The following ERC2 variants were observed in gnomAD, a reference collection of about 807,000 sequenced individuals.
The protein encoded by ERC2 is ELKS/RAB6-interacting/CAST family member 2, also known as ERC protein 2.
Under a neutral mutation model 114.8 loss-of-function variants are expected in ERC2, and 42 were observed. The observed-to-expected ratio is 0.37, with a 90% confidence interval of 0.29 to 0.47. The LOEUF is 0.47. Among genes scored for constraint, ERC2 ranks in the 20% least tolerant of loss-of-function variants. The probability of loss-of-function intolerance (pLI) is 0.99; values close to 1 mark genes in which losing one functional copy is unlikely to be tolerated. For synonymous variants in ERC2, 454 were observed against 425.5 expected (o/e 1.07, Z -0.82); for missense variants, 939 against 1,150.7 (o/e 0.82, Z 2.66).
intron 13 of ERC2, among the ~76,000 whole-genome samples, chr3:55,933,951 G>A (rs1359659295): frequency 6.6e-6 from 1 of 152,116 alleles, no homozygotes; most frequent in Non-Finnish European, 1.5e-5. Context: ...GTGCCTATGT[G>A]TCAAATTCTT....
chr3:56,285,299 A>G (rs1424242723), intron 3 of ERC2, among the ~76,000 whole-genome samples: 1 of 151,836 alleles, frequency 6.6e-6, no homozygotes, highest in Admixed American at 6.6e-5. Flanking sequence ...CCAGCAGTTC[A>G]CCACCATAAT....
chr3:55,888,283 TTA>T, intron 14 of ERC2, 104 bp downstream of exon 14: 1 of 1,318,060 alleles, frequency 7.6e-7, no homozygotes, highest in South Asian at 1.6e-5. Context: ...GTGAGCTAAA[TTA>T]TTCTTTTTCT....
chr3:56,292,565 G>T (rs1203218155), intron 3 of ERC2, among the ~76,000 whole-genome samples: 2 of 151,994 alleles, frequency 1.3e-5, no homozygotes, highest in African/African-American at 4.8e-5. Flanking sequence ...ACTCCAACCT[G>T]GGTGACAGAG....
At chr3:56,373,671 G>A (rs139886427) in intron 2 of ERC2, among the ~76,000 whole-genome samples, 7 of 152,302 alleles carry the variant, frequency 4.6e-5, no homozygotes, top group East Asian at 1.9e-4. Flanking sequence ...AGCCAAGACC[G>A]TCTCTGTTGT....
At chr3:56,345,545 G>C (rs1018460948) in intron 2 of ERC2, among the ~76,000 whole-genome samples, 1 of 152,186 alleles carries the variant, frequency 6.6e-6, no homozygotes, top group Non-Finnish European at 1.5e-5. Flanking sequence ...GGGGACTGCA[G>C]AGGTGAGGCT....
intron 17 of ERC2, among the ~76,000 whole-genome samples, chr3:55,531,734 A>C (rs531792567): frequency 6.6e-6 from 1 of 152,320 alleles, no homozygotes; most frequent in East Asian, 1.9e-4. Flanking sequence ...CAGCGATAGA[A>C]ATGAATTCCC....
intron 17 of ERC2, among the ~76,000 whole-genome samples, chr3:55,681,070 G>A (rs1463686077): frequency 1.3e-5 from 2 of 152,038 alleles, no homozygotes; most frequent in East Asian, 3.9e-4. Context: ...GTTTAAGAGG[G>A]GAAAGGCTAG....
chr3:55,772,012 G>A (rs1175240471), intron 14 of ERC2, among the ~76,000 whole-genome samples: 1 of 152,198 alleles, frequency 6.6e-6, no homozygotes, highest in East Asian at 1.9e-4. Context: ...AAGGCCTCAC[G>A]TCTGTGGGCC....
At chr3:56,034,578 C>T (rs955906527) in intron 7 of ERC2, among the ~76,000 whole-genome samples, 37 of 152,270 alleles carry the variant, frequency 2.4e-4, no homozygotes, top group African/African-American at 8.4e-4. Context: ...CAGATTATAT[C>T]TTGGGCCACC....
chr3:56,421,828 C>T (rs2061401978), intron 2 of ERC2, among the ~76,000 whole-genome samples: 1 of 152,264 alleles, frequency 6.6e-6, no homozygotes, highest in South Asian at 2.1e-4. Context: ...GTAAATCCCT[C>T]CTCCCCACTT....
intron 17 of ERC2, among the ~76,000 whole-genome samples, chr3:55,526,778 C>T (rs951941737): frequency 2.0e-5 from 3 of 152,194 alleles, no homozygotes; most frequent in Non-Finnish European, 4.4e-5. Context: ...CTTCACGGGG[C>T]CTTGGTGCAC....
At chr3:55,873,253 T>C (rs1221725040) in intron 14 of ERC2, among the ~76,000 whole-genome samples, 2 of 152,114 alleles carry the variant, frequency 1.3e-5, no homozygotes, top group Non-Finnish European at 2.9e-5. Flanking sequence ...CACATCCAAA[T>C]GTATTCTCCT....
chr3:56,424,227 C>A (rs1421914350), intron 2 of ERC2, among the ~76,000 whole-genome samples: 1 of 152,166 alleles, frequency 6.6e-6, no homozygotes, highest in Non-Finnish European at 1.5e-5. Context: ...AATAAGTACC[C>A]TTGGCGCAAG....
At chr3:56,253,353 T>C (rs1016807619) in intron 3 of ERC2, among the ~76,000 whole-genome samples, 3 of 152,224 alleles carry the variant, frequency 2.0e-5, no homozygotes, top group Non-Finnish European at 4.4e-5. Flanking sequence ...TTAAAAAAGT[T>C]TTACCTTATT....
At chr3:56,238,231 A>G (rs2051092759) in intron 3 of ERC2, among the ~76,000 whole-genome samples, 2 of 152,246 alleles carry the variant, frequency 1.3e-5, no homozygotes, top group East Asian at 3.8e-4. Flanking sequence ...CTGAACTGAG[A>G]GCCCATGAGA....
At chr3:55,999,294 A>G (rs770979005) in intron 10 of ERC2, among the ~76,000 whole-genome samples, 1 of 152,192 alleles carries the variant, frequency 6.6e-6, no homozygotes, top group Admixed American at 6.5e-5. Context: ...TAATGATATC[A>G]AGGCAAAATT....
At chr3:56,203,588 T>C (rs2167620) in intron 3 of ERC2, among the ~76,000 whole-genome samples, 139,988 of 152,238 alleles carry the variant, frequency 0.92, 64,758 homozygotes, top group East Asian at 1. Flanking sequence ...AGGCACATTC[T>C]CCTATCTAAA....
chr3:55,842,451 G>A (rs955463572), intron 14 of ERC2, among the ~76,000 whole-genome samples: 1 of 152,138 alleles, frequency 6.6e-6, no homozygotes, highest in Non-Finnish European at 1.5e-5. Flanking sequence ...CCCTATTTAA[G>A]AGTGGAGGGG....
At chr3:56,326,727 G>T (rs2057377954) in intron 2 of ERC2, among the ~76,000 whole-genome samples, 5 of 152,176 alleles carry the variant, frequency 3.3e-5, no homozygotes, top group Admixed American at 2.0e-4. Context: ...GGTTCCCTCA[G>T]CAGAGTTGGT....
Sources: gnomAD v4.1 joint callset for allele counts (sites outside exome capture counted in the v4.1 genomes callset) on GRCh38, gnomAD v4.1.1 for gene constraint, MANE v1.5 for transcripts, NCBI Gene and HGNC (gene_info 2026-07-23, HGNC 2026-07-21) for gene names.